Variants in TGM4 observed in about 807,000 individuals in gnomAD.
TGM4 encodes the protein protein-glutamine gamma-glutamyltransferase 4.
TGM4 carries 61 observed loss-of-function variants against 76.3 expected under a neutral mutation model. The ratio of observed to expected loss-of-function variants is 0.80; its 90% confidence interval spans 0.65 to 0.99. TGM4 has a LOEUF of 0.99. TGM4 is among the 50% of genes least tolerant of loss of function. The pLI is 0.00. For missense variants in TGM4, 794 were observed against 843.2 expected, an observed-to-expected ratio of 0.94 and a Z score of 0.72; for synonymous variants, 337 against 329.8, an observed-to-expected ratio of 1.02 and a Z score of -0.24.
chr3:44,875,787 G>A (rs891949109), intron 1 of TGM4, among the ~76,000 whole-genome samples: 1 of 152,130 alleles, frequency 6.6e-6, no homozygotes, highest in African/African-American at 2.4e-5. Context: ...TTTTTTGGAG[G>A]GTGACATTGC....
Position 44,901,921 on chromosome 3 carries a change from G to T in TGM4, c.961G>T (p.Asp321Tyr). 6.2e-7 allele frequency: 1 copy of T among 1,614,094 alleles called. No individual in the cohort carries two copies. ...CGAGAAAATCACCAGTATGACCCAC[G>T]ACTCTGTCTGGTAGGGTTCCTCCTT... ...NGEKITSMTH[D>Y]SVWNFHVWTD... Residue 321 changes from aspartate to tyrosine, a missense_variant, in exon 8 of 14, where the codon GAC (aspartate) becomes TAC (tyrosine). Physicochemically the swap from Asp to Tyr is radical, Grantham distance 160. Coordinates refer to ENST00000296125, the MANE Select transcript of TGM4 (RefSeq NM_003241.4).
rs555383480 is a variant in TGM4, at chr3:44,878,250, A to AAGAG, written c.19+3567_19+3570dup. On this transcript the variant is annotated intron_variant, in intron 1 of 13. Coordinates refer to ENST00000296125, the MANE Select transcript of TGM4 (RefSeq NM_003241.4). ...TGTGTGTGAGAGAGAGAGGGAGAAAAAGAGAGAGAGAGAGAGAAGCAAGGC... is the reference window on the plus strand; with the variant it reads ...TGTGTGTGAGAGAGAGAGGGAGAAAAAGAGAGAGAGAGAGAGAGAGAAGCAAGGC... 4.0e-5 allele frequency among the ~76,000 whole-genome samples: 6 copies of AAGAG among 149,740 alleles called. No individual in the cohort carries two copies. In the South Asian group the frequency reaches 1.1e-3, roughly 26 times the overall value.
chr3:44,879,473 A>ATTTTTTTTTTTTT (rs1184527794), intron 1 of TGM4, among the ~76,000 whole-genome samples: 1 of 123,718 alleles, frequency 8.1e-6, no homozygotes, highest in African/African-American at 3.1e-5. Flanking sequence ...AGCCTGGCTA[A>ATTTTTTTTTTTTT]TTTTTTTTTT....
At chr3:44,885,916 A>G (rs998407131) in intron 2 of TGM4, among the ~76,000 whole-genome samples, 1 of 152,364 alleles carries the variant, frequency 6.6e-6, no homozygotes, top group African/African-American at 2.4e-5. Flanking sequence ...TGGCTCATGC[A>G]TTTGTTATAG....
At chr3:44,913,554 T>G (rs1559622960) in intron 13 of TGM4, 30 bp from the exon 14 acceptor site, 1 of 1,600,868 alleles carries the variant, frequency 6.2e-7, no homozygotes. Context: ...CTTGGCTGAT[T>G]GTATGTCCGT....
At chr3:44,905,148 C>T (rs1279280574) in intron 9 of TGM4, among the ~76,000 whole-genome samples, 1 of 152,140 alleles carries the variant, frequency 6.6e-6, no homozygotes, top group Non-Finnish European at 1.5e-5. Flanking sequence ...CCATGCCTGA[C>T]TAATTTTTTG....
chr3:44,908,000 A>G (rs13320377), intron 10 of TGM4, among the ~76,000 whole-genome samples: 8,292 of 152,286 alleles, frequency 0.054, 721 homozygotes, highest in African/African-American at 0.18. Context: ...GCAATTTGCT[A>G]TGCTATGGGA....
intron 13 of TGM4, 123 bp downstream of exon 13, chr3:44,911,529 G>GA: frequency 8.9e-7 from 1 of 1,123,932 alleles, no homozygotes; most frequent in Non-Finnish European, 1.2e-6. Flanking sequence ...GATACATTTT[G>GA]CTAGTGCCAA....
chr3:44,896,635 A>G (rs1699781687), intron 5 of TGM4, 74 bp from the exon 6 acceptor site: 2 of 1,434,664 alleles, frequency 1.4e-6, no homozygotes, highest in Non-Finnish European at 2.0e-6. Context: ...GTGACATGCA[A>G]ATTAGATGGT....
At chr3:44,884,057 G>A (rs1321298498) in intron 1 of TGM4, among the ~76,000 whole-genome samples, 1 of 152,192 alleles carries the variant, frequency 6.6e-6, no homozygotes, top group Non-Finnish European at 1.5e-5. Flanking sequence ...GAAGCTGCTG[G>A]AGAGGCAAAT....
At chr3:44,906,841 A>T in intron 9 of TGM4, 108 bp from the exon 10 acceptor site, 2 of 1,496,328 alleles carry the variant, frequency 1.3e-6, no homozygotes, top group Non-Finnish European at 1.8e-6. Context: ...CTTGGGCAAA[A>T]TTTGCTTGCC....
Position 44,910,374 on chromosome 3 carries a change from A to G in TGM4, c.1606+6A>G. 6.2e-7 allele frequency: 1 copy of G among 1,611,514 alleles called. No individual in the cohort carries two copies. The highest frequency in any genetic ancestry group is 8.5e-7 in the Non-Finnish European group (1 of 1,177,916). On this transcript the variant is annotated splice_donor_region_variant and intron_variant, in intron 11 of 13. Coordinates refer to ENST00000296125, the MANE Select transcript of TGM4 (RefSeq NM_003241.4). Reference sequence around the variant, plus strand: ...CTCGCAGATCCAAGGTCAAGGTACCAGAACCAGAGGGAGGAGAGGCCTCAA... The same window carrying G: ...CTCGCAGATCCAAGGTCAAGGTACCGGAACCAGAGGGAGGAGAGGCCTCAA...
chr3:44,890,106 T>A (rs1391367168), intron 3 of TGM4, among the ~76,000 whole-genome samples: 1 of 152,108 alleles, frequency 6.6e-6, no homozygotes, highest in Non-Finnish European at 1.5e-5. Context: ...TCACTGACTA[T>A]CATGAGAACA....
chr3:44,892,436 T>C (rs1222562407), intron 4 of TGM4, among the ~76,000 whole-genome samples: 1 of 149,446 alleles, frequency 6.7e-6, no homozygotes, highest in African/African-American at 2.5e-5. Context: ...AATGGTGCGA[T>C]CTTGGCTCGC....
chr3:44,880,336 T>C (rs1169838269), intron 1 of TGM4, among the ~76,000 whole-genome samples: 2 of 152,246 alleles, frequency 1.3e-5, no homozygotes, highest in Non-Finnish European at 2.9e-5. Flanking sequence ...AGCCAGTTTC[T>C]GCCTATGAGC....
At chr3:44,890,770 G>T (rs753483990) in intron 4 of TGM4, 38 bp downstream of exon 4, 39 of 1,610,472 alleles carry the variant, frequency 2.4e-5, no homozygotes, top group Non-Finnish European at 3.1e-5. Context: ...AATGGCAGGT[G>T]ACCCCGGCAA....
intron 5 of TGM4, 22 bp downstream of exon 5, chr3:44,893,717 G>C: frequency 6.3e-7 from 1 of 1,599,760 alleles, no homozygotes; most frequent in South Asian, 1.1e-5. Flanking sequence ...TCGTCTTGTG[G>C]CTGCACCAGG....
rs747991469 is a variant in TGM4, at chr3:44,907,217, G to C, written c.1327+17G>C. On this transcript the variant is annotated intron_variant, in intron 10 of 13. Coordinates refer to ENST00000296125, the MANE Select transcript of TGM4 (RefSeq NM_003241.4). ...ATCCAGAAGGTGCTAGCATCACAGG[G>C]CTCCTTCTGACTCAGCCCCTGAGTC... 1 of 1,611,180 alleles carries C rather than the reference G, an allele frequency of 6.2e-7. No homozygotes were observed. The highest frequency in any genetic ancestry group is 1.1e-5 in the South Asian group (1 of 90,900).
intron 9 of TGM4, among the ~76,000 whole-genome samples, chr3:44,905,643 C>A (rs1699912000): frequency 6.6e-6 from 1 of 152,240 alleles, no homozygotes. Flanking sequence ...CGGGCTCCAC[C>A]CATCAGTGTG....
Sources: gnomAD v4.1 joint callset for allele counts (sites outside exome capture counted in the v4.1 genomes callset) on GRCh38, gnomAD v4.1.1 for gene constraint, MANE v1.5 for transcripts, NCBI Gene and HGNC (gene_info 2026-07-23, HGNC 2026-07-21) for gene names.